Variants in ZBTB48 observed in about 807,000 individuals in gnomAD.
ZBTB48 encodes zinc finger and BTB domain containing 48.
A neutral mutation model predicts 64.5 loss-of-function variants in ZBTB48; 35 were observed. The observed-to-expected ratio is 0.54, with a 90% confidence interval of 0.41 to 0.72. The LOEUF is 0.72. Among genes scored for constraint, ZBTB48 ranks in the 30% least tolerant of loss-of-function variants. The pLI is 0.00. For missense variants in ZBTB48, 828 were observed against 895.3 expected (o/e 0.92, Z 0.96); for synonymous variants, 442 against 356.7 (o/e 1.24, Z -2.70).
intron 3 of ZBTB48, among the ~76,000 whole-genome samples, chr1:6,583,645 G>T (rs1640553301): frequency 6.7e-6 from 1 of 150,058 alleles, no homozygotes. Context: ...GTGTCGCCCA[G>T]GTTGGAGTGC....
intron 3 of ZBTB48, 193 bp from the exon 4 acceptor site, chr1:6,585,726 G>C (rs932508003): frequency 1.7e-6 from 1 of 597,966 alleles, no homozygotes; most frequent in African/African-American, 1.9e-5. Flanking sequence ...ACCTGTGTGA[G>C]CTTCTTGCCA....
intron 5 of ZBTB48, 183 bp from the exon 6 acceptor site, chr1:6,587,022 C>A (rs1203612261): frequency 1.2e-6 from 1 of 862,508 alleles, no homozygotes; most frequent in Non-Finnish European, 1.9e-6. Flanking sequence ...ACAGGCTTGG[C>A]ATCCTCTGGG....
At chr1:6,586,883 C>A in intron 5 of ZBTB48, 96 bp downstream of exon 5, 2 of 1,387,544 alleles carry the variant, frequency 1.4e-6, no homozygotes, top group Non-Finnish European at 2.0e-6. Context: ...ACCTCCCTCA[C>A]AGTAGCTGTC....
chr1:6,586,140 C>G (rs1355285877), intron 4 of ZBTB48, 110 bp downstream of exon 4: 22 of 1,117,106 alleles, frequency 2.0e-5, no homozygotes, highest in South Asian at 2.6e-5. Flanking sequence ...ACTGTAAACT[C>G]AGGAAAGCTG....
chr1:6,585,710 C>G (rs182214286), intron 3 of ZBTB48: 1 of 584,898 alleles, frequency 1.7e-6, no homozygotes, highest in Admixed American at 3.0e-5. Flanking sequence ...ATGGCAGCCT[C>G]TTAGGACCTG....
intron 3 of ZBTB48, 26 bp from the exon 4 acceptor site, chr1:6,585,893 C>A (rs375093844): frequency 5.6e-6 from 9 of 1,611,214 alleles, no homozygotes; most frequent in Non-Finnish European, 7.6e-6. Context: ...TCTCAGCCCC[C>A]CCACCCCTGT....
Position 6,588,397 on chromosome 1 carries a change from G to A in ZBTB48, c.1636G>A (p.Glu546Lys). 6.3e-7 allele frequency: 1 copy of A among 1,583,776 alleles called. No individual in the cohort carries two copies. Among genetic ancestry groups the A allele is most frequent in the Non-Finnish European group, 8.6e-7 (1 of 1,161,650 alleles). The change falls in exon 9 of 11, where the codon GAG (glutamate) becomes AAG (lysine). Residue 546 changes from glutamate to lysine, a missense_variant. Physicochemically the swap from Glu to Lys is moderately conservative, Grantham distance 56. Coordinates refer to ENST00000377674, the MANE Select transcript of ZBTB48 (RefSeq NM_005341.4). ...GAGGCACGTGGCCAGCCGCCATCAG[G>A]AGGGCCGGCCCCACTTCTGCCAGAT... is the stretch of plus-strand genomic sequence containing the variant. ...LLRHVASRHQ[E>K]GRPHFCQICG...
At chr1:6,586,440 C>A in intron 4 of ZBTB48, 1 of 659,972 alleles carries the variant, frequency 1.5e-6, no homozygotes, top group Non-Finnish European at 2.4e-6. Flanking sequence ...GCCACTAGGG[C>A]CAGGGACTGT....
intron 3 of ZBTB48, 25 bp downstream of exon 3, chr1:6,582,324 C>T (rs1203683353): frequency 6.3e-7 from 1 of 1,599,908 alleles, no homozygotes; most frequent in African/African-American, 1.3e-5. Context: ...TTTCTATTTT[C>T]TTTTCCTGTC....
At position 6,580,414 on chromosome 1, in the gene ZBTB48, C is replaced by T. The variant is rs1024673504; in HGVS notation, c.-69-127C>T. 9 of 618,262 alleles carry T rather than the reference C, an allele frequency of 1.5e-5. No individual in the cohort carries two copies. The highest frequency in any genetic ancestry group is 2.2e-5 in the Non-Finnish European group (8 of 357,678). 38.3% of individuals were successfully genotyped at this position (618,262 alleles called of 1,614,324 possible). On this transcript the variant is annotated intron_variant, in intron 1 of 10. Transcript: ENST00000377674. This position sits in a 1 kb window ranked among gnomAD's most constrained non-coding sequence, Gnocchi z 5.2. Reference sequence around the variant, plus strand: ...CTGGCCAATCCAATATGGCCCCCGGCCCCCGGGAGGCTGTCAGTGTGTTCC... The same window carrying T: ...CTGGCCAATCCAATATGGCCCCCGGTCCCCGGGAGGCTGTCAGTGTGTTCC...
chr1:6,583,843 C>T (rs1291156213), intron 3 of ZBTB48, among the ~76,000 whole-genome samples: 7 of 146,668 alleles, frequency 4.8e-5, no homozygotes, highest in Admixed American at 3.4e-4. Context: ...GTGGTGGCTC[C>T]GTCTAAGCTC....
rs978316272 is a variant in ZBTB48 at position 6,582,179 on chromosome 1, T to G, written c.812T>G (p.Leu271Arg). The change falls in exon 3 of 11, where the codon CTG (leucine) becomes CGG (arginine). Residue 271 changes from leucine to arginine, a missense_variant. Leu to Arg is a moderately radical substitution (Grantham distance 102). Transcript: ENST00000377674. ...IRKPCAAEPA[L>R]SAGSLAAEPA... The stretch of plus-strand genomic sequence containing the variant: ...AAGCCCTGTGCAGCTGAGCCAGCCC[T>G]GAGCGCGGGCTCCCTAGCAGCTGAG... 6.2e-7 allele frequency: 1 copy of G among 1,614,220 alleles called. No individual in the cohort carries two copies. Among genetic ancestry groups the G allele is most frequent in the African/African-American group, 1.3e-5 (1 of 75,054 alleles).
In ZBTB48 at chr1:6,585,914, G is replaced by C. The variant is rs1028232144; in HGVS notation, c.933-5G>C. The stretch of plus-strand genomic sequence containing the variant: ...CCCCCCCACCCCTGTGGCTTCTCCT[G>C]GCAGGAAACATACTGGGGAGAAACC... On this transcript the variant is annotated splice_region_variant and splice_polypyrimidine_tract_variant and intron_variant, in intron 3 of 10. Transcript: ENST00000377674. 1.2e-6 allele frequency: 2 copies of C among 1,613,886 alleles called. No individual in the cohort carries two copies. Among genetic ancestry groups the C allele is most frequent in the Non-Finnish European group, 1.7e-6 (2 of 1,179,852 alleles).
Position 6,581,244 on chromosome 1 carries a change from T to C in ZBTB48, c.635T>C (p.Val212Ala), listed in dbSNP as rs201115840. 6.2e-7 allele frequency: 1 copy of C among 1,612,476 alleles called. No individual in the cohort carries two copies. The highest frequency in any genetic ancestry group is 2.2e-5 in the East Asian group (1 of 44,872). ...LEDKKPEDCKVPPRPLEAEGA... is the reference protein window; with the variant it reads ...LEDKKPEDCKAPPRPLEAEGA... The stretch of plus-strand genomic sequence containing the variant: ...GACAAGAAACCCGAGGACTGCAAAG[T>C]GCCCCCAAGGCCCTTAGAGGCTGAA... Residue 212 changes from valine to alanine, a missense_variant, in exon 2 of 11, where the codon GTG (valine) becomes GCG (alanine). Val to Ala is a moderately conservative substitution (Grantham distance 64, BLOSUM62 0). Transcript: ENST00000377674.
chr1:6,581,026 C>T lies in ZBTB48; in HGVS notation c.417C>T (p.Asn139=), dbSNP rs1210854162. 1 of 1,613,404 alleles carries T rather than the reference C, an allele frequency of 6.2e-7. No individual in the cohort carries two copies. Among genetic ancestry groups the T allele is most frequent in the Non-Finnish European group, 8.5e-7 (1 of 1,180,030 alleles). ...GGCCCCCTGCCTCCCAGAATGTGAACAGCCACGTCAAGGAGCCGGCAGGCT... is the reference window on the plus strand; with the variant it reads ...GGCCCCCTGCCTCCCAGAATGTGAATAGCCACGTCAAGGAGCCGGCAGGCT... ...GLGPPASQNV[N]SHVKEPAGLE... The change falls in exon 2 of 11, where the codon AAC becomes AAT. Residue 139 remains asparagine, a synonymous_variant. Transcript: ENST00000377674.
chr1:6,582,009 C>T (rs748326267), intron 2 of ZBTB48, 49 bp from the exon 3 acceptor site: 4 of 1,602,880 alleles, frequency 2.5e-6, no homozygotes, highest in South Asian at 1.1e-5. Context: ...ACAACTCCTG[C>T]TGATTCATTT....
rs946533790 is a variant in ZBTB48, at chr1:6,581,761, C to T, written c.691-297C>T. 4.6e-5 allele frequency among the ~76,000 whole-genome samples: 7 copies of T among 152,148 alleles called. No individual in the cohort carries two copies. In the East Asian group the frequency reaches 1.3e-3, roughly 29 times the overall value. On this transcript the variant is annotated intron_variant, in intron 2 of 10. Coordinates refer to ENST00000377674, the MANE Select transcript of ZBTB48 (RefSeq NM_005341.4). Reference sequence around the variant, plus strand: ...AGGAAGCTGGTGACCTCAGGCTGACCTTTCTGCAAGCCCCAGCTGTTCACG... The same window carrying T: ...AGGAAGCTGGTGACCTCAGGCTGACTTTTCTGCAAGCCCCAGCTGTTCACG...
chr1:6,580,798 C>T lies in ZBTB48; in HGVS notation c.189C>T (p.Val63=), dbSNP rs761711020. 1.2e-6 allele frequency: 2 copies of T among 1,614,236 alleles called. No homozygotes were observed. The highest frequency in any genetic ancestry group is 1.7e-6 in the Non-Finnish European group (2 of 1,180,044). ...ACGGGGATGGCTCAGGGGGCAGTGTCGTCCTCCCTGCTGGCTTCGCTGAGA... is the reference window on the plus strand; with the variant it reads ...ACGGGGATGGCTCAGGGGGCAGTGTTGTCCTCCCTGCTGGCTTCGCTGAGA... ...SLYGDGSGGS[V]VLPAGFAEIF... The change falls in exon 2 of 11, where the codon GTC becomes GTT. Residue 63 remains valine (V), a synonymous_variant. Transcript: ENST00000377674. The surrounding 1 kb of genome is among the most constrained non-coding windows in gnomAD (Gnocchi z 5.2).
rs113638694 is a variant in ZBTB48, at chr1:6,583,138, A to G, written c.932+839A>G. The stretch of plus-strand genomic sequence containing the variant: ...CCCAAATAGCTGGGATTACAGGCAC[A>G]TGCCACCACACCCGGCTAATTTTTT... On this transcript the variant is annotated intron_variant, in intron 3 of 10. Transcript: ENST00000377674. Among the ~76,000 whole-genome samples, 925 of 150,578 alleles carry G rather than the reference A, an allele frequency of 6.1e-3. 9 individuals are homozygous for G. Among genetic ancestry groups the G allele is most frequent in the African/African-American group, 0.021 (852 of 40,788 alleles).
Sources: allele counts gnomAD v4.1 joint callset (sites outside exome capture counted in the v4.1 genomes callset), GRCh38; gene constraint gnomAD v4.1.1; non-coding constraint Gnocchi (gnomAD v3.1); transcripts MANE v1.5; gene names NCBI Gene and HGNC (gene_info 2026-07-23, HGNC 2026-07-21).